FUCA1: variants seen among roughly 807,000 people sequenced by gnomAD.
FUCA1 encodes alpha-L-fucosidase 1, also known as tissue alpha-L-fucosidase.
In FUCA1, 52 loss-of-function variants were observed where a neutral mutation model predicts 56.8. The observed-to-expected ratio is 0.92, with a 90% CI of 0.73 to 1.15. The LOEUF (loss-of-function observed/expected upper bound fraction) is 1.15, where lower values mean the gene tolerates loss of function less well. Ranked by LOEUF, FUCA1 falls within the 50% of genes most tolerant of loss-of-function variation. FUCA1 has a pLI of 0.00. For missense variants in FUCA1, 568 were observed against 592.6 expected (o/e 0.96, Z 0.43); for synonymous variants, 230 against 226.6 (o/e 1.02, Z -0.14).
At position 23,863,119 on chromosome 1, in the gene FUCA1, A is replaced by G. The variant is rs758821980; in HGVS notation, c.662+15T>C. On this transcript the variant is annotated intron_variant, in intron 3 of 7. Coordinates refer to ENST00000374479, the MANE Select transcript of FUCA1 (RefSeq NM_000147.5). Reference sequence around the variant, plus strand: ...TTGATAAAAGTCATAGGGCCAAAATATTTCAGTGTCTTACCTGTTAACAAG... The same window carrying G: ...TTGATAAAAGTCATAGGGCCAAAATGTTTCAGTGTCTTACCTGTTAACAAG... 6.2e-7 allele frequency: 1 copy of G among 1,613,634 alleles called. No homozygotes were observed. Among genetic ancestry groups the G allele is most frequent in the African/African-American group, 1.3e-5 (1 of 75,038 alleles).
intron 5 of FUCA1, among the ~76,000 whole-genome samples, chr1:23,852,589 C>T (rs2148441232): frequency 6.6e-6 from 1 of 152,264 alleles, no homozygotes; most frequent in South Asian, 2.1e-4. Context: ...GATTCTCCTG[C>T]CTCAGCCTGC....
chr1:23,846,071 T>C lies in FUCA1; in HGVS notation c.1260+3A>G, dbSNP rs1394393155. 1.9e-6 allele frequency: 3 copies of C among 1,609,020 alleles called. No individual in the cohort carries two copies. The highest frequency in any genetic ancestry group is 2.7e-5 in the African/African-American group (2 of 74,918). On this transcript the variant is annotated splice_donor_region_variant and intron_variant, in intron 7 of 7. Coordinates refer to ENST00000374479, the MANE Select transcript of FUCA1 (RefSeq NM_000147.5). ...CATCTTAAGACTGACTAAGCCTCTTTACCTTTGTAGTTGAGGTAGTTATGG... is the reference window on the plus strand; with the variant it reads ...CATCTTAAGACTGACTAAGCCTCTTCACCTTTGTAGTTGAGGTAGTTATGG...
In FUCA1 at chr1:23,848,641, A is replaced by G. The variant is rs746127930; in HGVS notation, c.1160+8T>C. ...CTGTTCTTACACACAACAGAAGACA[A>G]GACTCACCATACAGATGTTGTGTTC... On this transcript the variant is annotated splice_region_variant and intron_variant, in intron 6 of 7. Coordinates refer to ENST00000374479, the MANE Select transcript of FUCA1 (RefSeq NM_000147.5). 1.2e-6 allele frequency: 2 copies of G among 1,613,928 alleles called. No individual in the cohort carries two copies. The highest frequency in any genetic ancestry group is 4.5e-5 in the East Asian group (2 of 44,882).
intron 6 of FUCA1, among the ~76,000 whole-genome samples, chr1:23,846,541 G>T (rs1639145567): frequency 6.6e-6 from 1 of 151,832 alleles, no homozygotes; most frequent in Non-Finnish European, 1.5e-5. Context: ...AAAGTGCTGG[G>T]ATTACAAGTA....
rs1370276379 is a variant in FUCA1 at position 23,848,842 on chromosome 1, G to A, written c.970-3C>T. ...AAACTTACTGTCTGAACCAGTTCCT[G>A]GAGAGAACAGAAACAATGAAAGTCT... On this transcript the variant is annotated splice_region_variant and splice_polypyrimidine_tract_variant and intron_variant, in intron 5 of 7. Coordinates refer to ENST00000374479, the MANE Select transcript of FUCA1 (RefSeq NM_000147.5). 6.2e-7 allele frequency: 1 copy of A among 1,613,258 alleles called. No individual in the cohort carries two copies. Among genetic ancestry groups the A allele is most frequent in the East Asian group, 2.2e-5 (1 of 44,886 alleles).
Position 23,845,762 on chromosome 1 carries a change from C to A in FUCA1, c.1354G>T (p.Val452Phe). Residue 452 changes from valine (V) to phenylalanine (F), a missense_variant, in exon 8 of 8, where the codon GTC (valine) becomes TTC (phenylalanine). Physicochemically the swap from Val to Phe is conservative, Grantham distance 50. Coordinates refer to ENST00000374479, the MANE Select transcript of FUCA1 (RefSeq NM_000147.5). ...ATAGTCCAAGCAAACTCTGCGGGGACAGCAGAGGGTGGCAACTGGGGTAGA... is the reference window on the plus strand; with the variant it reads ...ATAGTCCAAGCAAACTCTGCGGGGAAAGCAGAGGGTGGCAACTGGGGTAGA... Reference protein sequence around the residue: ...ISLPQLPPSAVPAEFAWTIKL... With the variant: ...ISLPQLPPSAFPAEFAWTIKL... 1 of 1,614,186 alleles carries A rather than the reference C, an allele frequency of 6.2e-7. No individual in the cohort carries two copies. Among genetic ancestry groups the A allele is most frequent in the Non-Finnish European group, 8.5e-7 (1 of 1,180,030 alleles).
At chr1:23,855,444 C>G (rs1639371950) in intron 4 of FUCA1, among the ~76,000 whole-genome samples, 1 of 152,224 alleles carries the variant, frequency 6.6e-6, no homozygotes, top group Admixed American at 6.5e-5. Flanking sequence ...TAGCAGTGAG[C>G]CGAGATCGTG....
rs74393870 is a variant in FUCA1 at position 23,847,025 on chromosome 1, T to C, written c.1161-852A>G. 7.0e-3 allele frequency among the ~76,000 whole-genome samples: 1,060 copies of C among 152,238 alleles called. 22 individuals carry two copies. Among genetic ancestry groups the C allele is most frequent in the African/African-American group, 0.024 (996 of 41,542 alleles). ...ATGAAGCACTGCACAAGGCCACTCATTCCCCTTTCAATTATCTACCAAATC... is the reference window on the plus strand; with the variant it reads ...ATGAAGCACTGCACAAGGCCACTCACTCCCCTTTCAATTATCTACCAAATC... On this transcript the variant is annotated intron_variant, in intron 6 of 7. Coordinates refer to ENST00000374479, the MANE Select transcript of FUCA1 (RefSeq NM_000147.5).
At chr1:23,856,495 C>T (rs959885868) in intron 4 of FUCA1, among the ~76,000 whole-genome samples, 3 of 152,224 alleles carry the variant, frequency 2.0e-5, no homozygotes, top group African/African-American at 7.2e-5. Flanking sequence ...CTGTCTTTCT[C>T]TTCAGACTGT....
intron 5 of FUCA1, among the ~76,000 whole-genome samples, chr1:23,850,775 C>G (rs1401150305): frequency 3.9e-5 from 6 of 151,960 alleles, no homozygotes; most frequent in Admixed American, 3.9e-4. Context: ...TGTCAGCCAC[C>G]GTGCCTGGCC....
At chr1:23,847,820 G>A (rs1463111803) in intron 6 of FUCA1, among the ~76,000 whole-genome samples, 1 of 152,136 alleles carries the variant, frequency 6.6e-6, no homozygotes, top group Non-Finnish European at 1.5e-5. Context: ...CCAGGAGTTT[G>A]AGACCAGCCT....
At chr1:23,862,680 T>C (rs1162517322) in intron 3 of FUCA1, among the ~76,000 whole-genome samples, 2 of 152,212 alleles carry the variant, frequency 1.3e-5, no homozygotes, top group Non-Finnish European at 2.9e-5. Context: ...CCGTGACAGA[T>C]ACATTTCACA....
intron 4 of FUCA1, 139 bp from the exon 5 acceptor site, chr1:23,854,699 G>A (rs1639355867): frequency 1.4e-6 from 1 of 739,746 alleles, no homozygotes; most frequent in Non-Finnish European, 2.4e-6. Flanking sequence ...ATTTTGCTCT[G>A]GAGGGGACAT....
Position 23,868,113 on chromosome 1 carries a change from G to T in FUCA1, c.174C>A (p.Phe58Leu), listed in dbSNP as rs760470041. The change falls in exon 1 of 8, where the codon TTC (phenylalanine) becomes TTA (leucine). Residue 58 changes from phenylalanine (F) to leucine (L), a missense_variant. Physicochemically the swap from Phe to Leu is conservative, Grantham distance 22. Transcript: ENST00000374479. ...PLPAWFDEAK[F>L]GVFIHWGVFS... The stretch of plus-strand genomic sequence containing the variant: ...ACACGCCCCAGTGGATGAACACCCC[G>T]AACTTGGCTTCGTCGAACCAGGCCG... 1.2e-6 allele frequency: 2 copies of T among 1,611,658 alleles called. No individual in the cohort carries two copies. Among genetic ancestry groups the T allele is most frequent in the Admixed American group, 1.7e-5 (1 of 59,882 alleles).
At position 23,867,144 on chromosome 1, in the gene FUCA1, G is replaced by T. The variant is rs75969099; in HGVS notation, c.389+754C>A. The stretch of plus-strand genomic sequence containing the variant: ...AGCCGAATGAATCTTTCTAGAAGCT[G>T]ATAGTAACCACTCCCTGACTTAACA... On this transcript the variant is annotated intron_variant, in intron 1 of 7. Coordinates refer to ENST00000374479, the MANE Select transcript of FUCA1 (RefSeq NM_000147.5). The surrounding 1 kb of genome is among the most constrained non-coding windows in gnomAD (Gnocchi z 4.9). Among the ~76,000 whole-genome samples, 724 of 152,258 alleles carry T rather than the reference G, an allele frequency of 4.8e-3. 4 individuals are homozygous for T. The highest frequency in any genetic ancestry group is 6.3e-3 in the Non-Finnish European group (426 of 68,004).
At chr1:23,847,422 A>G (rs556722940) in intron 6 of FUCA1, among the ~76,000 whole-genome samples, 1 of 151,588 alleles carries the variant, frequency 6.6e-6, no homozygotes, top group South Asian at 2.1e-4. Flanking sequence ...AATCACTACT[A>G]TGGTTTGAAT....
At position 23,846,861 on chromosome 1, in the gene FUCA1, C is replaced by T. The variant is rs533653607; in HGVS notation, c.1161-688G>A. On this transcript the variant is annotated intron_variant, in intron 6 of 7. Transcript: ENST00000374479. The stretch of plus-strand genomic sequence containing the variant: ...CCTCCCAAAGTGTTCGGATTACAGG[C>T]GTGAGTCACTGTTTTGGGCCTAATT... Among the ~76,000 whole-genome samples the T allele has an allele frequency of 1.3e-4, 20 of 152,270 alleles. No homozygotes were observed. The South Asian group carries it at 3.9e-3, about 30-fold the overall frequency.
In FUCA1 at chr1:23,848,663, G is replaced by A; in HGVS notation, c.1146C>T (p.Asn382=). ...SKPWRVQWEK[N]TTSVWYTSKG... is the part of the protein sequence containing the mutation. Reference sequence around the variant, plus strand: ...ACAAGACTCACCATACAGATGTTGTGTTCTTTTCCCATTGCACCCGCCATG... The same window carrying A: ...ACAAGACTCACCATACAGATGTTGTATTCTTTTCCCATTGCACCCGCCATG... Residue 382 remains asparagine, a synonymous_variant, in exon 6 of 8, where the codon AAC becomes AAT. Transcript: ENST00000374479. 2.5e-6 allele frequency: 4 copies of A among 1,614,110 alleles called. No homozygotes were observed. Among genetic ancestry groups the A allele is most frequent in the Non-Finnish European group, 3.4e-6 (4 of 1,179,998 alleles).
At chr1:23,865,372 A>G (rs963433200) in intron 2 of FUCA1, 119 bp downstream of exon 2, 20 of 1,320,706 alleles carry the variant, frequency 1.5e-5, no homozygotes, top group Non-Finnish European at 1.7e-5. Context: ...AGAAGGCCAA[A>G]AGCCCTTCAG....
Sources: allele counts gnomAD v4.1 joint callset (sites outside exome capture counted in the v4.1 genomes callset), GRCh38; gene constraint gnomAD v4.1.1; non-coding constraint Gnocchi (gnomAD v3.1); transcripts MANE v1.5; gene names NCBI Gene and HGNC (gene_info 2026-07-23, HGNC 2026-07-21).